MAST2: variants seen among roughly 807,000 people sequenced by gnomAD.
MAST2 encodes microtubule associated serine/threonine kinase 2.
Under a neutral mutation model 147.4 loss-of-function variants are expected in MAST2, and 70 were observed. That is an observed-to-expected ratio of 0.47 (90% CI 0.39 to 0.58). The LOEUF (loss-of-function observed/expected upper bound fraction) is 0.58. Among genes scored for constraint, MAST2 ranks in the 20% least tolerant of loss-of-function variants. The pLI is 0.00. For synonymous variants in MAST2, 869 were observed against 896.8 expected (o/e 0.97, Z 0.55); for missense variants, 2,080 against 2,302.3 (o/e 0.90, Z 1.98).
chr1:46,016,978 T>G (rs1351258900), intron 10 of MAST2, among the ~76,000 whole-genome samples: 1 of 151,596 alleles, frequency 6.6e-6, no homozygotes, highest in Non-Finnish European at 1.5e-5. Flanking sequence ...AAAACAGAGA[T>G]ATAGATCAAT....
At chr1:46,010,388 TG>T (rs1486865789) in intron 9 of MAST2, among the ~76,000 whole-genome samples, 13 of 151,970 alleles carry the variant, frequency 8.6e-5, no homozygotes, top group South Asian at 8.3e-4. Context: ...AGCCACACAC[TG>T]GGAAGAGCAT....
chr1:45,995,636 G>T (rs1050439532), intron 5 of MAST2, among the ~76,000 whole-genome samples: 1 of 152,130 alleles, frequency 6.6e-6, no homozygotes, highest in East Asian at 1.9e-4. Flanking sequence ...GCTTAGGCTG[G>T]TCTCAGACTC....
intron 4 of MAST2, among the ~76,000 whole-genome samples, chr1:45,898,296 T>C (rs1313229731): frequency 6.6e-6 from 1 of 152,332 alleles, no homozygotes; most frequent in South Asian, 2.1e-4. Flanking sequence ...TACGTCCTTA[T>C]GATCGCCTGT....
intron 3 of MAST2, among the ~76,000 whole-genome samples, chr1:45,861,214 T>C (rs904015518): frequency 2.6e-4 from 39 of 152,190 alleles, no homozygotes; most frequent in Admixed American, 2.4e-3. Flanking sequence ...TTTGCCCCAT[T>C]TTTGGTCAAT....
chr1:45,921,651 A>G (rs1235265035), intron 4 of MAST2, among the ~76,000 whole-genome samples: 1 of 152,148 alleles, frequency 6.6e-6, no homozygotes, highest in African/African-American at 2.4e-5. Flanking sequence ...AGCAACTTCC[A>G]CAGCTGGCAC....
At chr1:45,982,207 G>A (rs1336024365) in intron 5 of MAST2, among the ~76,000 whole-genome samples, 1 of 152,114 alleles carries the variant, frequency 6.6e-6, no homozygotes, top group African/African-American at 2.4e-5. Context: ...CCCAATAAAA[G>A]TAGCACACAT....
At chr1:45,827,036 GCCAGA>G (rs1557809516) in intron 2 of MAST2, among the ~76,000 whole-genome samples, 14 of 151,986 alleles carry the variant, frequency 9.2e-5, no homozygotes, top group African/African-American at 3.4e-4. Context: ...CACTATGTTG[GCCAGA>G]ATGGTCTCAA....
At chr1:45,828,718 T>C (rs1370566922) in intron 2 of MAST2, among the ~76,000 whole-genome samples, 2 of 151,886 alleles carry the variant, frequency 1.3e-5, no homozygotes, top group Non-Finnish European at 2.9e-5. Flanking sequence ...AGGTCAGGAG[T>C]TGGAGACCCG....
chr1:45,891,817 AT>A (rs1311669051), intron 4 of MAST2, among the ~76,000 whole-genome samples: 1 of 152,136 alleles, frequency 6.6e-6, no homozygotes, highest in Non-Finnish European at 1.5e-5. Flanking sequence ...TTTGCTGTAA[AT>A]TTTTATAAAG....
intron 4 of MAST2, among the ~76,000 whole-genome samples, chr1:45,907,954 C>CTATT (rs1651047821): frequency 6.6e-6 from 1 of 152,050 alleles, no homozygotes; most frequent in African/African-American, 2.4e-5. Flanking sequence ...ATTGTTCCTG[C>CTATT]TATTCTCTTA....
intron 7 of MAST2, among the ~76,000 whole-genome samples, chr1:46,005,553 C>T (rs933597883): frequency 1.3e-5 from 2 of 152,140 alleles, no homozygotes; most frequent in African/African-American, 4.8e-5. Flanking sequence ...CACCCTCCCT[C>T]AGATGGCCTG....
At chr1:45,849,219 C>T (rs563596467) in intron 3 of MAST2, among the ~76,000 whole-genome samples, 4 of 152,206 alleles carry the variant, frequency 2.6e-5, no homozygotes, top group African/African-American at 9.6e-5. Flanking sequence ...CTTCACAGAA[C>T]TAGAAAAAAC....
intron 4 of MAST2, among the ~76,000 whole-genome samples, chr1:45,946,518 G>A (rs1281250551): frequency 1.3e-5 from 2 of 152,006 alleles, no homozygotes; most frequent in African/African-American, 4.8e-5. Context: ...GATATCTTGG[G>A]CTTGGCATTC....
intron 5 of MAST2, among the ~76,000 whole-genome samples, chr1:45,993,748 C>T (rs898696691): frequency 2.0e-5 from 3 of 151,990 alleles, no homozygotes; most frequent in African/African-American, 7.3e-5. Flanking sequence ...TTAGGCCAAA[C>T]TTTACAAGGG....
At chr1:45,825,463 C>G (rs1157509740) in intron 2 of MAST2, among the ~76,000 whole-genome samples, 2 of 151,080 alleles carry the variant, frequency 1.3e-5, no homozygotes, top group Non-Finnish European at 2.9e-5. Flanking sequence ...GACAGAGTCT[C>G]ACTTTACTGC....
At chr1:45,835,716 C>T (rs1420047121) in intron 3 of MAST2, among the ~76,000 whole-genome samples, 4 of 152,080 alleles carry the variant, frequency 2.6e-5, no homozygotes, top group Non-Finnish European at 4.4e-5. Flanking sequence ...TGTTCACCAC[C>T]ATCCCCTGCA....
intron 4 of MAST2, among the ~76,000 whole-genome samples, chr1:45,947,745 C>G (rs1658287338): frequency 6.6e-6 from 1 of 152,206 alleles, no homozygotes; most frequent in African/African-American, 2.4e-5. Context: ...GAGACGGAGT[C>G]TCGCTCTGTC....
At chr1:45,937,373 C>T (rs921915091) in intron 4 of MAST2, among the ~76,000 whole-genome samples, 6 of 152,016 alleles carry the variant, frequency 3.9e-5, no homozygotes, top group African/African-American at 1.2e-4. Flanking sequence ...CCAAGCGATC[C>T]TCCCACCTCA....
Position 46,035,393 on chromosome 1 carries a change from G to GAGGTATGAAGCAGAGGGCTA in MAST2, c.4724_4725insAGGTATGAAGCAGAGGGCTA (p.Ser1575ArgfsTer35). ...ACACTGGGGCCTCCCAGAATGGAAA[G>GAGGTATGAAGCAGAGGGCTA]TCCCAGTGGTCCCCACAGGAGGCTC... On this transcript the variant is annotated frameshift_variant, in exon 29 of 29. Transcript: ENST00000361297. LOFTEE classifies it low-confidence loss of function (END_TRUNC). This position sits in a 1 kb window ranked among gnomAD's most constrained non-coding sequence, Gnocchi z 5.5. The GAGGTATGAAGCAGAGGGCTA allele has an allele frequency of 6.2e-7, 1 of 1,612,494 alleles. No homozygotes were observed. Among genetic ancestry groups the GAGGTATGAAGCAGAGGGCTA allele is most frequent in the African/African-American group, 1.3e-5 (1 of 74,982 alleles).
Sources: allele counts gnomAD v4.1 joint callset (sites outside exome capture counted in the v4.1 genomes callset), GRCh38; gene constraint gnomAD v4.1.1; non-coding constraint Gnocchi (gnomAD v3.1); transcripts MANE v1.5; gene names NCBI Gene and HGNC (gene_info 2026-07-23, HGNC 2026-07-21).